The following ABL2 variants were observed in gnomAD, a reference collection of about 807,000 sequenced individuals.
The protein encoded by ABL2 is ABL proto-oncogene 2, non-receptor tyrosine kinase, also known as tyrosine-protein kinase ABL2.
In ABL2, 49 loss-of-function variants were observed where a neutral mutation model predicts 107.7. That is an observed-to-expected ratio of 0.45 (90% CI 0.36 to 0.58). The LOEUF is 0.58. ABL2 is among the 20% of genes least tolerant of loss of function. The probability of loss-of-function intolerance (pLI) is 0.00; values close to 1 mark genes in which losing one functional copy is unlikely to be tolerated. For synonymous variants in ABL2, 549 were observed against 548.6 expected (o/e 1.00, Z -0.01); for missense variants, 1,245 against 1,457.0 (o/e 0.85, Z 2.37).
chr1:179,132,315 T>G (rs1053328122), intron 2 of ABL2, among the ~76,000 whole-genome samples: 3 of 152,306 alleles, frequency 2.0e-5, no homozygotes, highest in East Asian at 3.9e-4. Flanking sequence ...TCTAAATTTA[T>G]TCATAGTACA....
At chr1:179,139,888 A>G (rs1172081407) in intron 1 of ABL2, among the ~76,000 whole-genome samples, 2 of 152,326 alleles carry the variant, frequency 1.3e-5, no homozygotes, top group East Asian at 3.9e-4. Flanking sequence ...GAGGTGGAAC[A>G]GTTTCATGTG....
chr1:179,164,428 A>G (rs931749434), intron 1 of ABL2, among the ~76,000 whole-genome samples: 1 of 152,206 alleles, frequency 6.6e-6, no homozygotes, highest in Non-Finnish European at 1.5e-5. Context: ...AGGTGAAAGT[A>G]AGGTCCTTCC....
chr1:179,146,601 C>T (rs1658001213), intron 1 of ABL2, among the ~76,000 whole-genome samples: 1 of 152,118 alleles, frequency 6.6e-6, no homozygotes, highest in African/African-American at 2.4e-5. Context: ...CCCCATAAAT[C>T]CCTACGTGTC....
intron 7 of ABL2, among the ~76,000 whole-genome samples, chr1:179,117,943 AC>A (rs1250462356): frequency 6.6e-6 from 1 of 151,146 alleles, no homozygotes; most frequent in Non-Finnish European, 1.5e-5. Flanking sequence ...ACATGGCGAA[AC>A]CCAGTCTACA....
chr1:179,208,949 A>G (rs1414355587), intron 1 of ABL2, among the ~76,000 whole-genome samples: 1 of 152,230 alleles, frequency 6.6e-6, no homozygotes, highest in African/African-American at 2.4e-5. Context: ...TAATAATACT[A>G]CCAAAAGCAA....
In ABL2 at chr1:179,193,832, C is replaced by A. The variant is rs111532882; in HGVS notation, c.157+35409G>T. ...CTGCAAGCTCCATCTCCCAGGTTCA[C>A]GCCATTCTCCTGCCTCAGCCTTCTG... On this transcript the variant is annotated intron_variant, in intron 1 of 11. Transcript: ENST00000502732. Among the ~76,000 whole-genome samples, 70 of 152,220 alleles carry A rather than the reference C, an allele frequency of 4.6e-4. 1 individual carries two copies. The East Asian group carries it at 0.013, about 28-fold the overall frequency.
chr1:179,153,235 G>C (rs1049585498), intron 1 of ABL2, among the ~76,000 whole-genome samples: 10 of 151,828 alleles, frequency 6.6e-5, no homozygotes, highest in African/African-American at 2.4e-4. Context: ...TGTTCATTTC[G>C]TACATCCTCC....
chr1:179,171,207 G>A (rs925916188), intron 1 of ABL2, among the ~76,000 whole-genome samples: 22 of 152,084 alleles, frequency 1.4e-4, no homozygotes, highest in African/African-American at 7.3e-5. Flanking sequence ...ACTATTGGCC[G>A]TCTGTGCAAA....
chr1:179,142,857 A>AT, intron 1 of ABL2: 1 of 1,530,232 alleles, frequency 6.5e-7, no homozygotes, highest in Non-Finnish European at 8.9e-7. Flanking sequence ...GATAAGATGA[A>AT]TTTTTTGAAA....
chr1:179,148,936 GAC>G (rs1658198664), intron 1 of ABL2, among the ~76,000 whole-genome samples: 2 of 146,572 alleles, frequency 1.4e-5, no homozygotes, highest in Admixed American at 1.4e-4. Context: ...AAAGAAATTA[GAC>G]CAATTTATAA....
At chr1:179,129,400 C>T (rs1656058370) in intron 3 of ABL2, among the ~76,000 whole-genome samples, 1 of 152,200 alleles carries the variant, frequency 6.6e-6, no homozygotes. Flanking sequence ...TATAAACTTT[C>T]TGGCTGGGCG....
At position 179,101,862 on chromosome 1, in the gene ABL2, G is replaced by GT. The variant is rs1195220544; in HGVS notation, c.*5855dup. The GT allele has an allele frequency of 5.3e-6, 1 of 189,262 alleles. No homozygotes were observed. Among genetic ancestry groups the GT allele is most frequent in the East Asian group, 8.4e-5 (1 of 11,934 alleles). The allele number at this position is 189,262 out of a possible 1,614,324, so 11.7% of individuals were successfully genotyped here. On this transcript the variant is annotated 3_prime_UTR_variant, in exon 12 of 12. Coordinates refer to ENST00000502732, the MANE Select transcript of ABL2 (RefSeq NM_007314.4). Reference sequence around the variant, plus strand: ...CCCTGAATCCCACCCATGCTTCTCAGTAAGAGAGGAGCGTAGGGAATGACA... The same window carrying GT: ...CCCTGAATCCCACCCATGCTTCTCAGTTAAGAGAGGAGCGTAGGGAATGACA...
chr1:179,199,646 T>C (rs1398783752), intron 1 of ABL2, among the ~76,000 whole-genome samples: 3 of 152,020 alleles, frequency 2.0e-5, no homozygotes, highest in African/African-American at 7.2e-5. Flanking sequence ...CCTCATTTTA[T>C]AAATGAAGAA....
Position 179,227,742 on chromosome 1 carries a change from C to T in ABL2, c.157+1499G>A, listed in dbSNP as rs75971106. On this transcript the variant is annotated intron_variant, in intron 1 of 11. Transcript: ENST00000502732. ...AGTGTTCATATACCCGAAAGAGACA[C>T]TCAAGCACATCTTCAATAGGAGACA... Among the ~76,000 whole-genome samples the T allele has an allele frequency of 1.2e-4, 18 of 152,236 alleles. No homozygotes were observed. The East Asian group carries it at 3.1e-3, about 26-fold the overall frequency.
At chr1:179,110,937 G>A (rs554383398) in intron 10 of ABL2, 45 of 1,510,698 alleles carry the variant, frequency 3.0e-5, no homozygotes, top group Non-Finnish European at 3.9e-5. Context: ...GAAAGCTGTG[G>A]TTACTCTGCA....
Position 179,229,417 on chromosome 1 carries a change from CGCGCCCCCGCCGACCCCT to C in ABL2, c.-38_-21del. 1 of 1,489,296 alleles carries C rather than the reference CGCGCCCCCGCCGACCCCT, an allele frequency of 6.7e-7. No individual in the cohort carries two copies. The highest frequency in any genetic ancestry group is 8.8e-7 in the Non-Finnish European group (1 of 1,130,810). 92.3% of individuals were successfully genotyped at this position (1,489,296 alleles called of 1,614,324 possible). ...CCCCATCCCTGCTCTCGCGTACTCC[CGCGCCCCCGCCGACCCCT>C]GGTCACATTCCTCCTCGGCTCCGGC... On this transcript the variant is annotated 5_prime_UTR_variant, in exon 1 of 12. Coordinates refer to ENST00000502732, the MANE Select transcript of ABL2 (RefSeq NM_007314.4).
intron 1 of ABL2, among the ~76,000 whole-genome samples, chr1:179,188,804 T>C (rs190191481): frequency 1.3e-5 from 2 of 152,300 alleles, no homozygotes; most frequent in East Asian, 3.9e-4. Flanking sequence ...CTAGAATCCA[T>C]GTTATCAACT....
chr1:179,130,173 C>T (rs1352753717), intron 3 of ABL2, among the ~76,000 whole-genome samples: 1 of 152,206 alleles, frequency 6.6e-6, no homozygotes, highest in African/African-American at 2.4e-5. Context: ...AACTCCTGAG[C>T]TCAGACAATC....
intron 9 of ABL2, among the ~76,000 whole-genome samples, chr1:179,114,356 CG>C (rs1384473940): frequency 2.5e-4 from 5 of 19,670 alleles, no homozygotes; most frequent in South Asian, 1.8e-3. Flanking sequence ...TTCAGTGAGC[CG>C]AAATCACGTC....
Sources: allele counts gnomAD v4.1 joint callset (sites outside exome capture counted in the v4.1 genomes callset), GRCh38; gene constraint gnomAD v4.1.1; transcripts MANE v1.5; gene names NCBI Gene and HGNC (gene_info 2026-07-23, HGNC 2026-07-21).